Variants in PODXL observed in about 807,000 individuals in gnomAD.
PODXL encodes podocalyxin like.
Under a neutral mutation model 48.9 loss-of-function variants are expected in PODXL, and 20 were observed. The ratio of observed to expected loss-of-function variants is 0.41; its 90% CI spans 0.29 to 0.59. The LOEUF (loss-of-function observed/expected upper bound fraction) is 0.59, where lower values mean the gene tolerates loss of function less well. Among genes scored for constraint, PODXL ranks in the 20% least tolerant of loss-of-function variants. The pLI, the probability that PODXL is intolerant of heterozygous loss-of-function variation, is 0.31. For missense variants in PODXL, 606 were observed against 675.1 expected, an observed-to-expected ratio of 0.90 and a Z score of 1.13; for synonymous variants, 295 against 287.4, an observed-to-expected ratio of 1.03 and a Z score of -0.27.
At chr7:131,543,859 A>G (rs1217986326) in intron 1 of PODXL, among the ~76,000 whole-genome samples, 3 of 152,114 alleles carry the variant, frequency 2.0e-5, no homozygotes, top group African/African-American at 7.2e-5. Context: ...AGCCAAATGC[A>G]TGAGAACAGC....
chr7:131,504,578 G>A (rs936341674), intron 8 of PODXL, 70 bp from the exon 9 acceptor site: 18 of 1,284,468 alleles, frequency 1.4e-5, no homozygotes, highest in South Asian at 8.6e-5. Flanking sequence ...GCGCATGTAC[G>A]TACCCCTCCC....
In PODXL at chr7:131,555,803, G is replaced by T. The variant is rs186010609; in HGVS notation, c.100+457C>A. Among the ~76,000 whole-genome samples the T allele has an allele frequency of 2.1e-3, 315 of 152,350 alleles. 2 individuals are homozygous for T. The highest frequency in any genetic ancestry group is 7.3e-3 in the African/African-American group (302 of 41,588). ...GGCCGTGGCTGGAGGCTTGTCACCT[G>T]CTTCAGGGACTTCCTCGGGAGCCTC... On this transcript the variant is annotated intron_variant, in intron 1 of 8. Coordinates refer to ENST00000378555, the MANE Select transcript of PODXL (RefSeq NM_001018111.3).
At chr7:131,507,670 A>T (rs3800686) in intron 5 of PODXL, among the ~76,000 whole-genome samples, 12 of 133,882 alleles carry the variant, frequency 9.0e-5, no homozygotes, top group Non-Finnish European at 1.9e-4. Context: ...TAGCAAAGGG[A>T]AAAAAAAAAA....
intron 1 of PODXL, among the ~76,000 whole-genome samples, chr7:131,530,356 C>T (rs1798257856): frequency 6.6e-6 from 1 of 152,070 alleles, no homozygotes; most frequent in African/African-American, 2.4e-5. Flanking sequence ...CCCTCTCTCG[C>T]CCCTGCATGC....
At position 131,502,894 on chromosome 7, in the gene PODXL, C is replaced by CA. The variant is rs1283399078; in HGVS notation, c.*1416dup. 6.5e-6 allele frequency: 1 copy of CA among 152,832 alleles called. No individual in the cohort carries two copies. Among genetic ancestry groups the CA allele is most frequent in the Non-Finnish European group, 1.5e-5 (1 of 68,206 alleles). 9.5% of individuals were successfully genotyped at this position (152,832 alleles called of 1,614,324 possible). A position where few individuals can be genotyped will look rare whatever the true frequency, so the allele number is the denominator to read the frequency against. On this transcript the variant is annotated 3_prime_UTR_variant, in exon 9 of 9. Transcript: ENST00000378555. ...AACTGCAAGAGAACCGCAGCAGCCC[C>CA]ACTAGGCTCACAGAGAAGAGGAACA...
At chr7:131,544,047 G>C (rs1293991080) in intron 1 of PODXL, among the ~76,000 whole-genome samples, 1 of 152,222 alleles carries the variant, frequency 6.6e-6, no homozygotes, top group Non-Finnish European at 1.5e-5. Flanking sequence ...CACTGGGCCA[G>C]CTCCTCATTC....
At position 131,508,921 on chromosome 7, in the gene PODXL, CCTGGCGG is replaced by C. The variant is rs766702988; in HGVS notation, c.1101+23_1101+29del. 6.3e-5 allele frequency: 96 copies of C among 1,511,850 alleles called. 3 individuals are homozygous for C. In the South Asian group the frequency reaches 1.1e-3, roughly 17 times the overall value. 93.7% of individuals were successfully genotyped at this position (1,511,850 alleles called of 1,614,324 possible). ...CCCTCAGCCCTGCTGTGAGCCTGCA[CCTGGCGG>C]CTCAGATCAGCAAGCTACTCACACA... On this transcript the variant is annotated intron_variant, in intron 5 of 8. Transcript: ENST00000378555.
rs1386361724 is a variant in PODXL at position 131,503,440 on chromosome 7, T to A, written c.*871A>T. ...CCTCTGCAAGGAGTGCCAGGGGCAA[T>A]GGGCCAGTGTTCCTGCTGACCCCTC... On this transcript the variant is annotated 3_prime_UTR_variant, in exon 9 of 9. Transcript: ENST00000378555. The A allele has an allele frequency of 2.6e-5, 4 of 152,192 alleles. No homozygotes were observed. Among genetic ancestry groups the A allele is most frequent in the Non-Finnish European group, 5.9e-5 (4 of 68,102 alleles). 9.4% of individuals were successfully genotyped at this position (152,192 alleles called of 1,614,324 possible).
At chr7:131,523,584 A>T (rs564594326) in intron 1 of PODXL, among the ~76,000 whole-genome samples, 44 of 138,778 alleles carry the variant, frequency 3.2e-4, no homozygotes, top group African/African-American at 1.0e-3. Flanking sequence ...TGGGAGGCTG[A>T]GGCAGGAGAA....
rs1584837559 is a variant in PODXL at position 131,553,833 on chromosome 7, C to T, written c.100+2427G>A. Among the ~76,000 whole-genome samples, 4 of 152,182 alleles carry T rather than the reference C, an allele frequency of 2.6e-5. No homozygotes were observed. The South Asian group carries it at 6.2e-4, about 24-fold the overall frequency. ...TAGAGGTCCCTTTGGTTCTTTTATT[C>T]TATCTCACAAATAACGAAACGGAGG... On this transcript the variant is annotated intron_variant, in intron 1 of 8. Coordinates refer to ENST00000378555, the MANE Select transcript of PODXL (RefSeq NM_001018111.3).
At chr7:131,505,050 G>A (rs774646451) in intron 8 of PODXL, among the ~76,000 whole-genome samples, 1 of 152,086 alleles carries the variant, frequency 6.6e-6, no homozygotes, top group East Asian at 1.9e-4. Context: ...CTACACTGAT[G>A]GACTCAGAGA....
At chr7:131,537,899 C>T (rs1390363901) in intron 1 of PODXL, among the ~76,000 whole-genome samples, 1 of 152,198 alleles carries the variant, frequency 6.6e-6, no homozygotes, top group Non-Finnish European at 1.5e-5. Flanking sequence ...CGGTCGCAGA[C>T]TGTTCGCCCC....
intron 1 of PODXL, among the ~76,000 whole-genome samples, chr7:131,544,998 G>C (rs1170776880): frequency 6.6e-6 from 1 of 152,150 alleles, no homozygotes; most frequent in East Asian, 1.9e-4. Context: ...AGGATGACAG[G>C]ATGACGGGAC....
intron 1 of PODXL, among the ~76,000 whole-genome samples, chr7:131,543,411 C>T (rs773331896): frequency 2.0e-5 from 3 of 152,242 alleles, no homozygotes; most frequent in Non-Finnish European, 4.4e-5. Context: ...TAGGTGTGAA[C>T]CACAGTGCCA....
At chr7:131,525,201 T>C (rs183146013) in intron 1 of PODXL, among the ~76,000 whole-genome samples, 16 of 152,258 alleles carry the variant, frequency 1.1e-4, no homozygotes, top group Admixed American at 9.8e-4. Context: ...GAATTAACTT[T>C]ACTTAATGTC....
intron 1 of PODXL, among the ~76,000 whole-genome samples, chr7:131,548,753 G>A (rs1365782992): frequency 6.6e-6 from 1 of 152,160 alleles, no homozygotes; most frequent in Non-Finnish European, 1.5e-5. Context: ...GATCCTTTGG[G>A]TGGGGACAGC....
intron 4 of PODXL, 89 bp downstream of exon 4, chr7:131,509,276 C>T (rs183299623): frequency 2.1e-5 from 23 of 1,076,280 alleles, no homozygotes; most frequent in Middle Eastern, 2.0e-4. Flanking sequence ...AGGGGCCCTG[C>T]GTTGGAGGAA....
At chr7:131,520,572 T>C (rs778254965) in intron 1 of PODXL, 5 of 167,278 alleles carry the variant, frequency 3.0e-5, no homozygotes, top group Non-Finnish European at 6.4e-5. Context: ...AAAAAATAAA[T>C]TGAATAGGTA....
At chr7:131,544,643 GC>G (rs572492037) in intron 1 of PODXL, among the ~76,000 whole-genome samples, 196 of 17,670 alleles carry the variant, frequency 0.011, no homozygotes, top group African/African-American at 0.013. Context: ...GCCTCCGCAC[GC>G]ACGCCCTGTA....
Sources: allele counts gnomAD v4.1 joint callset (sites outside exome capture counted in the v4.1 genomes callset), GRCh38; gene constraint gnomAD v4.1.1; transcripts MANE v1.5; gene names NCBI Gene and HGNC (gene_info 2026-07-23, HGNC 2026-07-21).